LRRC8C: variants seen among roughly 807,000 people sequenced by gnomAD.
LRRC8C encodes volume-regulated anion channel subunit LRRC8C.
Under a neutral mutation model 55.3 loss-of-function variants are expected in LRRC8C, and 20 were observed. That is an observed-to-expected ratio of 0.36 (90% CI 0.25 to 0.53). LRRC8C has a LOEUF of 0.53. Among genes scored for constraint, LRRC8C ranks in the 20% least tolerant of loss-of-function variants. The pLI is 0.92. For missense variants in LRRC8C, 659 were observed against 951.4 expected, an observed-to-expected ratio of 0.69 and a Z score of 4.04; for synonymous variants, 376 against 360.7, an observed-to-expected ratio of 1.04 and a Z score of -0.48.
intron 2 of LRRC8C, among the ~76,000 whole-genome samples, chr1:89,690,138 G>A (rs1657990130): frequency 6.6e-6 from 1 of 152,174 alleles, no homozygotes; most frequent in Non-Finnish European, 1.5e-5. Flanking sequence ...GAAGATCCAG[G>A]ATCTAGGTGG....
At chr1:89,630,602 C>CT (rs1491008558), upstream of LRRC8C, among the ~76,000 whole-genome samples, 1 of 152,192 alleles carries the variant, frequency 6.6e-6, no homozygotes, top group African/African-American at 2.4e-5. Context: ...TCACAGTACC[C>CT]TCTCCTTCCT....
chr1:89,684,625 G>T (rs1206162695), intron 1 of LRRC8C, among the ~76,000 whole-genome samples: 1 of 152,048 alleles, frequency 6.6e-6, no homozygotes, highest in Non-Finnish European at 1.5e-5. Flanking sequence ...GGGGCAGTGG[G>T]ACTGTAATAA....
the LRRC8C span, among the ~76,000 whole-genome samples, chr1:89,617,150 C>T: frequency 6.6e-6 from 1 of 152,204 alleles, no homozygotes; most frequent in Non-Finnish European, 1.5e-5. Context: ...AGGATATAGA[C>T]AGAGCAGAGA....
chr1:89,661,279 C>A, intron 1 of LRRC8C: 2 of 307,620 alleles, frequency 6.5e-6, no homozygotes, highest in South Asian at 3.6e-5. Context: ...TTGTATTGAT[C>A]ATTGGGAGCC....
the LRRC8C span, among the ~76,000 whole-genome samples, chr1:89,620,563 C>T: frequency 8.4e-6 from 1 of 118,760 alleles, no homozygotes. Flanking sequence ...CTGCAAAGTT[C>T]GGGAAGATGA....
upstream of LRRC8C, among the ~76,000 whole-genome samples, chr1:89,629,013 T>A (rs976240297): frequency 6.6e-6 from 1 of 152,166 alleles, no homozygotes; most frequent in South Asian, 2.1e-4. Context: ...TTAGCCCCAA[T>A]AGACCACCAT....
rs570952447 is a variant in LRRC8C, at chr1:89,714,097, G to C, written c.1527G>C (p.Trp509Cys). Residue 509 changes from tryptophan to cysteine, a missense_variant, in exon 3 of 3, where the codon TGG (tryptophan) becomes TGC (cysteine). Physicochemically the swap from Trp to Cys is radical, Grantham distance 215. Transcript: ENST00000370454. This position sits in a 1 kb window ranked among gnomAD's most constrained non-coding sequence, Gnocchi z 4.6. ...ATGACATGAGGGAACTCCCCCCCTGGATGTATGGGCTCCGAAATCTGGAAG... is the reference window on the plus strand; with the variant it reads ...ATGACATGAGGGAACTCCCCCCCTGCATGTATGGGCTCCGAAATCTGGAAG... The part of the protein sequence containing the change: ...KFDDMRELPP[W>C]MYGLRNLEEL... 2 of 1,614,022 alleles carry C rather than the reference G, an allele frequency of 1.2e-6. No individual in the cohort carries two copies. The highest frequency in any genetic ancestry group is 2.2e-5 in the East Asian group (1 of 44,886).
upstream of LRRC8C, among the ~76,000 whole-genome samples, chr1:89,630,354 T>C (rs907944921): frequency 6.6e-6 from 1 of 152,190 alleles, no homozygotes; most frequent in Non-Finnish European, 1.5e-5. Flanking sequence ...TAGCTAGAGA[T>C]ACAAGATTTA....
the LRRC8C span, among the ~76,000 whole-genome samples, chr1:89,622,334 A>ATTT: frequency 1.5e-3 from 186 of 127,246 alleles, 7 homozygotes; most frequent in Middle Eastern, 7.7e-3. Context: ...ATACATGTAA[A>ATTT]ATTTTTTTTT....
intron 1 of LRRC8C, among the ~76,000 whole-genome samples, chr1:89,659,042 C>T (rs1657028117): frequency 4.0e-5 from 5 of 125,024 alleles, no homozygotes; most frequent in South Asian, 2.7e-4. Context: ...GTTGTGTCTT[C>T]TCCAGGTTTT....
chr1:89,714,797 G>C lies in LRRC8C; in HGVS notation c.2227G>C (p.Val743Leu), dbSNP rs376913036. The change falls in exon 3 of 3, where the codon GTA becomes CTA. Residue 743 changes from valine to leucine, a missense_variant. This residue lies in a region of LRRC8C where 344 missense variants were observed against 464.6 expected (regional missense o/e 0.74). Coordinates refer to ENST00000370454, the MANE Select transcript of LRRC8C (RefSeq NM_032270.5). This position sits in a 1 kb window ranked among gnomAD's most constrained non-coding sequence, Gnocchi z 4.6. ...GAAGATTGGAAAAAACAGCCTATCT[G>C]TACTTTCACCGAAAATTGGAAATTT... is the stretch of plus-strand genomic sequence containing the variant. ...TLKIGKNSLSVLSPKIGNLLF... is the reference protein window; with the variant it reads ...TLKIGKNSLSLLSPKIGNLLF... 2.5e-6 allele frequency: 4 copies of C among 1,613,996 alleles called. No homozygotes were observed. The African/African-American group carries it at 4.0e-5, about 16-fold the overall frequency.
chr1:89,638,719 A>G (rs1389475806), intron 1 of LRRC8C, among the ~76,000 whole-genome samples: 1 of 152,040 alleles, frequency 6.6e-6, no homozygotes, highest in Non-Finnish European at 1.5e-5. Context: ...TTCTAGTCCC[A>G]ATTTTACATT....
chr1:89,699,161 G>A (rs541558011), intron 2 of LRRC8C, among the ~76,000 whole-genome samples: 2 of 152,302 alleles, frequency 1.3e-5, no homozygotes, highest in African/African-American at 4.8e-5. Flanking sequence ...GATTCCAACT[G>A]TATTATATTC....
chr1:89,624,693 T>C, the LRRC8C span, among the ~76,000 whole-genome samples: 4 of 152,222 alleles, frequency 2.6e-5, no homozygotes, highest in Non-Finnish European at 5.9e-5. Context: ...TCCCTTCTCT[T>C]TCCAACAAGA....
chr1:89,664,723 T>C (rs1657210073), intron 1 of LRRC8C, among the ~76,000 whole-genome samples: 2 of 152,210 alleles, frequency 1.3e-5, no homozygotes, highest in Admixed American at 6.5e-5. Context: ...ATCTATAAAA[T>C]TACTTTGGGC....
intron 1 of LRRC8C, chr1:89,676,452 T>G (rs1056376312): frequency 6.6e-6 from 1 of 152,238 alleles, no homozygotes; most frequent in African/African-American, 2.4e-5. Context: ...TGAATAATCA[T>G]TATTTACAAC....
rs937126897 is a variant in LRRC8C, at chr1:89,702,558, G to A, written c.139-10151G>A. On this transcript the variant is annotated intron_variant, in intron 2 of 2. Transcript: ENST00000370454. Reference sequence around the variant, plus strand: ...AAAACCAGCCTGGGCAACATGGCAAGACCCTATCTCTAAAAAAATAAAAAT... The same window carrying A: ...AAAACCAGCCTGGGCAACATGGCAAAACCCTATCTCTAAAAAAATAAAAAT... Among the ~76,000 whole-genome samples the A allele has an allele frequency of 3.3e-5, 5 of 151,986 alleles. No homozygotes were observed. In the Middle Eastern group the frequency reaches 0.014, roughly 414 times the overall value.
chr1:89,700,086 T>A (rs932768429), intron 2 of LRRC8C, among the ~76,000 whole-genome samples: 6 of 152,202 alleles, frequency 3.9e-5, no homozygotes, highest in Admixed American at 1.3e-4. Context: ...GAAAATTAAT[T>A]CCTTTCCCTT....
At chr1:89,664,430 T>G (rs754915145) in intron 1 of LRRC8C, among the ~76,000 whole-genome samples, 17 of 152,212 alleles carry the variant, frequency 1.1e-4, no homozygotes, top group Non-Finnish European at 1.6e-4. Flanking sequence ...TTTGTCAGGT[T>G]TGTCAAAGAT....
Sources: allele counts gnomAD v4.1 joint callset (sites outside exome capture counted in the v4.1 genomes callset), GRCh38; gene constraint gnomAD v4.1.1; regional missense constraint gnomAD v4.1.1; non-coding constraint Gnocchi (gnomAD v3.1); transcripts MANE v1.5; gene names NCBI Gene and HGNC (gene_info 2026-07-23, HGNC 2026-07-21).